The following CPXM2 variants were observed in gnomAD, a reference collection of about 807,000 sequenced individuals.
CPXM2 encodes the protein inactive carboxypeptidase-like protein X2.
CPXM2 carries 66 observed loss-of-function variants against 86.1 expected under a neutral mutation model. The observed-to-expected ratio is 0.77, with a 90% confidence interval of 0.63 to 0.94. CPXM2 has a LOEUF of 0.94. Among genes scored for constraint, CPXM2 ranks in the 40% least tolerant of loss-of-function variants. CPXM2 has a pLI of 0.00. For missense variants in CPXM2, 948 were observed against 1,026.3 expected, an observed-to-expected ratio of 0.92 and a Z score of 1.04; for synonymous variants, 388 against 400.2, an observed-to-expected ratio of 0.97 and a Z score of 0.36.
At chr10:123,853,196 G>A (rs1463868626) in intron 3 of CPXM2, among the ~76,000 whole-genome samples, 2 of 152,092 alleles carry the variant, frequency 1.3e-5, no homozygotes, top group South Asian at 2.1e-4. Flanking sequence ...TTCACTTTCC[G>A]CCATGACTGT....
At chr10:123,889,253 T>A (rs1372785564) in intron 1 of CPXM2, among the ~76,000 whole-genome samples, 1 of 152,030 alleles carries the variant, frequency 6.6e-6, no homozygotes, top group African/African-American at 2.4e-5. Flanking sequence ...TTAGGAATGA[T>A]GTCCGGTCAC....
At chr10:123,881,334 C>G (rs1358497645) in intron 1 of CPXM2, among the ~76,000 whole-genome samples, 1 of 150,624 alleles carries the variant, frequency 6.6e-6, no homozygotes, top group Non-Finnish European at 1.5e-5. Flanking sequence ...CTTAAACTTT[C>G]CCGACCTCCC....
rs1352723418 is a variant in CPXM2 at position 123,809,957 on chromosome 10, T to C, written c.654-10758A>G. On this transcript the variant is annotated intron_variant, in intron 4 of 13. Transcript: ENST00000241305. ...GCTATCACCACAAATATAAATAGAT[T>C]AGTTAATAGATCATTAAGTTGGATT... 2.0e-5 allele frequency among the ~76,000 whole-genome samples: 3 copies of C among 151,922 alleles called. No individual in the cohort carries two copies. The East Asian group carries it at 5.8e-4, about 29-fold the overall frequency.
intron 13 of CPXM2, among the ~76,000 whole-genome samples, chr10:123,753,672 C>T (rs1249305379): frequency 2.0e-5 from 3 of 152,182 alleles, no homozygotes; most frequent in African/African-American, 4.8e-5. Context: ...GATCCAGGGG[C>T]AGCCTTCTGC....
chr10:123,792,127 AC>A (rs1847218966), intron 6 of CPXM2, among the ~76,000 whole-genome samples: 1 of 152,230 alleles, frequency 6.6e-6, no homozygotes, highest in South Asian at 2.1e-4. Flanking sequence ...CAAAACCAGG[AC>A]AGGGTTAATG....
At chr10:123,770,463 G>T (rs1050509491) in intron 8 of CPXM2, among the ~76,000 whole-genome samples, 5 of 152,188 alleles carry the variant, frequency 3.3e-5, no homozygotes, top group African/African-American at 1.2e-4. Context: ...ACCTATACAG[G>T]TGCAGGCTGG....
intron 6 of CPXM2, among the ~76,000 whole-genome samples, chr10:123,781,207 G>A (rs1846926198): frequency 6.6e-6 from 1 of 152,240 alleles, no homozygotes; most frequent in East Asian, 1.9e-4. Context: ...ATCAGAATGT[G>A]TTAACAGAGC....
upstream of CPXM2, among the ~76,000 whole-genome samples, chr10:123,894,370 T>A (rs1474731254): frequency 6.6e-6 from 1 of 152,222 alleles, no homozygotes; most frequent in Non-Finnish European, 1.5e-5. Context: ...CTGCTCTCCC[T>A]ATCAATGCTT....
At chr10:123,802,305 C>T (rs944359210) in intron 4 of CPXM2, among the ~76,000 whole-genome samples, 2 of 152,180 alleles carry the variant, frequency 1.3e-5, no homozygotes, top group African/African-American at 2.4e-5. Context: ...CAGAGGCTGT[C>T]TTTGTTTTTT....
intron 13 of CPXM2, among the ~76,000 whole-genome samples, chr10:123,748,432 G>A (rs892070972): frequency 3.3e-5 from 5 of 152,092 alleles, no homozygotes; most frequent in Non-Finnish European, 5.9e-5. Flanking sequence ...ATAACACTTC[G>A]AAGCATCATG....
chr10:123,780,556 A>T (rs981306020), intron 6 of CPXM2, among the ~76,000 whole-genome samples: 8 of 152,226 alleles, frequency 5.3e-5, no homozygotes, highest in Non-Finnish European at 8.8e-5. Flanking sequence ...ACCCATAAAC[A>T]AGAAAAAGAA....
intron 2 of CPXM2, among the ~76,000 whole-genome samples, chr10:123,913,191 G>A (rs561037436): frequency 1.3e-5 from 2 of 152,300 alleles, no homozygotes; most frequent in South Asian, 2.1e-4. Context: ...TGTGCTGTGG[G>A]TATTTTGAGC....
At chr10:123,941,817 G>A (rs1945780189), upstream of CPXM2, among the ~76,000 whole-genome samples, 1 of 152,178 alleles carries the variant, frequency 6.6e-6, no homozygotes, top group Admixed American at 6.5e-5. Flanking sequence ...CGTTCACCTT[G>A]AGCAGGCCAC....
chr10:123,797,863 C>T, intron 6 of CPXM2, 113 bp downstream of exon 6: 1 of 1,054,220 alleles, frequency 9.5e-7, no homozygotes, highest in Non-Finnish European at 1.2e-6. Flanking sequence ...GCTGGGATTA[C>T]AGGCATGAGC....
At chr10:123,758,772 T>C (rs1457736134) in intron 11 of CPXM2, among the ~76,000 whole-genome samples, 2 of 152,120 alleles carry the variant, frequency 1.3e-5, no homozygotes, top group African/African-American at 2.4e-5. Context: ...ACTCACCCAG[T>C]AGAAGGCCCC....
rs548067584 is a variant in CPXM2 at position 123,862,738 on chromosome 10, T to G, written c.404-15A>C. The G allele has an allele frequency of 1.1e-3, 1,710 of 1,541,752 alleles. 19 individuals carry two copies. The African/African-American group carries it at 0.021, about 19-fold the overall frequency. On this transcript the variant is annotated splice_polypyrimidine_tract_variant and intron_variant, in intron 2 of 13. Coordinates refer to ENST00000241305, the MANE Select transcript of CPXM2 (RefSeq NM_198148.3). ...AGGTGGGCAACCTGGAAAGGACAAA[T>G]GCTTGTTAAAAACAACGACAGATGC...
chr10:123,788,619 AG>A (rs1847126675), intron 6 of CPXM2, among the ~76,000 whole-genome samples: 1 of 152,218 alleles, frequency 6.6e-6, no homozygotes, highest in Admixed American at 6.5e-5. Context: ...TTTAAAGACA[AG>A]ACGCCTCTTC....
chr10:123,757,435 G>T, intron 11 of CPXM2, 83 bp from the exon 12 acceptor site: 1 of 1,201,390 alleles, frequency 8.3e-7, no homozygotes, highest in Non-Finnish European at 1.2e-6. Flanking sequence ...CAGCAAGGAT[G>T]TTTAAGAACA....
At chr10:123,923,891 A>T (rs9423228) in intron 2 of CPXM2, among the ~76,000 whole-genome samples, 30 of 152,128 alleles carry the variant, frequency 2.0e-4, no homozygotes, top group Non-Finnish European at 3.4e-4. Context: ...CATGATTGTG[A>T]GGCCTCCCCA....
Sources: allele counts gnomAD v4.1 joint callset (sites outside exome capture counted in the v4.1 genomes callset), GRCh38; gene constraint gnomAD v4.1.1; transcripts MANE v1.5; gene names NCBI Gene and HGNC (gene_info 2026-07-23, HGNC 2026-07-21).